Variants in ITPR3 observed in about 807,000 individuals in gnomAD.
The protein encoded by ITPR3 is inositol 1,4,5-trisphosphate-gated calcium channel ITPR3.
ITPR3 carries 173 observed loss-of-function variants against 293.2 expected under a neutral mutation model. The ratio of observed to expected loss-of-function variants is 0.59; its 90% confidence interval spans 0.52 to 0.67. The LOEUF is 0.67. Among genes scored for constraint, ITPR3 ranks in the 30% least tolerant of loss-of-function variants. ITPR3 has a pLI of 0.00. For missense variants in ITPR3, 2,796 were observed against 3,592.1 expected, an observed-to-expected ratio of 0.78 and a Z score of 5.66; for synonymous variants, 1,295 against 1,444.4, an observed-to-expected ratio of 0.90 and a Z score of 2.35.
intron 2 of ITPR3, among the ~76,000 whole-genome samples, chr6:33,650,930 C>G (rs1025846030): frequency 6.6e-6 from 1 of 151,962 alleles, no homozygotes; most frequent in African/African-American, 2.4e-5. Context: ...GTGTCTGGTT[C>G]CCAAGGATCC....
chr6:33,659,362 T>C, intron 6 of ITPR3, 104 bp from the exon 7 acceptor site: 1 of 1,092,470 alleles, frequency 9.2e-7, no homozygotes. Flanking sequence ...CACCCTGTCC[T>C]TGTGCTGTAA....
intron 21 of ITPR3, among the ~76,000 whole-genome samples, chr6:33,671,767 A>G (rs1159804598): frequency 6.6e-6 from 1 of 152,042 alleles, no homozygotes; most frequent in Admixed American, 6.5e-5. Context: ...AGCTGCTCTC[A>G]TGGTTTCCTA....
Position 33,684,893 on chromosome 6 carries a change from A to G in ITPR3, c.5257A>G (p.Ser1753Gly). Residue 1753 changes from serine to glycine, a missense_variant, in exon 39 of 58, where the codon AGC becomes GGC. Ser to Gly is a moderately conservative substitution (Grantham distance 56). Transcript: ENST00000605930. The surrounding 1 kb of genome is among the most constrained non-coding windows in gnomAD (Gnocchi z 4.2). ...CAAGAACGAGAAGATCTTCCAGGAG[A>G]GCATCGGCCTGGCCATCCACCTGCT... Reference protein sequence around the residue: ...STKNEKIFQESIGLAIHLLDG... With the variant: ...STKNEKIFQEGIGLAIHLLDG... The G allele has an allele frequency of 1.9e-6, 3 of 1,613,916 alleles. No individual in the cohort carries two copies. Among genetic ancestry groups the G allele is most frequent in the Non-Finnish European group, 1.7e-6 (2 of 1,179,902 alleles).
At chr6:33,650,382 T>C (rs754887644) in intron 2 of ITPR3, among the ~76,000 whole-genome samples, 7 of 152,330 alleles carry the variant, frequency 4.6e-5, no homozygotes, top group Middle Eastern at 3.4e-3. Flanking sequence ...GAGAAAAAGT[T>C]GAATCTTACA....
chr6:33,646,011 T>G (rs1764056918), intron 2 of ITPR3, among the ~76,000 whole-genome samples: 2 of 152,042 alleles, frequency 1.3e-5, no homozygotes, highest in African/African-American at 4.8e-5. Context: ...CTAATTTTTG[T>G]ATTTTTAGTA....
chr6:33,654,089 G>A lies in ITPR3; in HGVS notation c.161-1677G>A, dbSNP rs1306384634. On this transcript the variant is annotated intron_variant, in intron 2 of 57. Coordinates refer to ENST00000605930, the MANE Select transcript of ITPR3 (RefSeq NM_002224.4). The surrounding 1 kb of genome is among the most constrained non-coding windows in gnomAD (Gnocchi z 4.1). ...TTGAGACCAGCTTGGGCAATATGGCGAAACCCCGTCTCTACTAAAAATACA... is the reference window on the plus strand; with the variant it reads ...TTGAGACCAGCTTGGGCAATATGGCAAAACCCCGTCTCTACTAAAAATACA... Among the ~76,000 whole-genome samples, 1 of 152,108 alleles carries A rather than the reference G, an allele frequency of 6.6e-6. No individual in the cohort carries two copies. The highest frequency in any genetic ancestry group is 1.5e-5 in the Non-Finnish European group (1 of 68,022).
Position 33,692,339 on chromosome 6 carries a change from G to A in ITPR3, c.7459-389G>A, listed in dbSNP as rs1765418275. Among the ~76,000 whole-genome samples the A allele has an allele frequency of 6.6e-6, 1 of 152,176 alleles. No individual in the cohort carries two copies. The highest frequency in any genetic ancestry group is 2.4e-5 in the African/African-American group (1 of 41,440). ...GAGGCCGCCTCCCTGGCCAGACAGAGGGTTTCTGGAATGTGTGAGGCCAGG... is the reference window on the plus strand; with the variant it reads ...GAGGCCGCCTCCCTGGCCAGACAGAAGGTTTCTGGAATGTGTGAGGCCAGG... On this transcript the variant is annotated intron_variant, in intron 54 of 57. Transcript: ENST00000605930. This position sits in a 1 kb window ranked among gnomAD's most constrained non-coding sequence, Gnocchi z 4.2.
intron 28 of ITPR3, 51 bp from the exon 29 acceptor site, chr6:33,678,370 C>T (rs375849381): frequency 2.3e-5 from 36 of 1,599,220 alleles, no homozygotes; most frequent in Admixed American, 1.3e-4. Context: ...GCCAGGGCCT[C>T]GCCTCCCTCC....
At chr6:33,643,824 C>T (rs888843172) in intron 2 of ITPR3, among the ~76,000 whole-genome samples, 5 of 152,196 alleles carry the variant, frequency 3.3e-5, no homozygotes, top group African/African-American at 1.2e-4. Context: ...CCTACGCCTC[C>T]TCTACCTGTC....
chr6:33,681,003 T>C (rs906684045), intron 33 of ITPR3, among the ~76,000 whole-genome samples: 2 of 152,046 alleles, frequency 1.3e-5, no homozygotes, highest in Admixed American at 6.6e-5. Context: ...GCATTTTTAG[T>C]AGAGACAGGG....
intron 2 of ITPR3, among the ~76,000 whole-genome samples, chr6:33,652,140 GC>G (rs568230505): frequency 6.3e-4 from 96 of 152,218 alleles, no homozygotes; most frequent in African/African-American, 2.0e-3. Context: ...TGAGCTCCCT[GC>G]CCCTGCCAGG....
chr6:33,659,533 AG>A lies in ITPR3; in HGVS notation c.697del (p.Glu233ArgfsTer3). On this transcript the variant is annotated frameshift_variant, in exon 7 of 58. Transcript: ENST00000605930. LOFTEE classifies it high-confidence loss of function. ...TTTATGCAGTTTCGGGACCACCTGG[AG>A]GAGGTGTTGAAAGGGGTAAGGACTG... ...NLFMQFRDHLEEVLKGGDVVR... is the reference protein window; with the variant it reads ...NLFMQFRDHLXEVLKGGDVVR... 1 of 1,613,942 alleles carries A rather than the reference AG, an allele frequency of 6.2e-7. No individual in the cohort carries two copies. Among genetic ancestry groups the A allele is most frequent in the South Asian group, 1.1e-5 (1 of 91,056 alleles).
chr6:33,694,704 T>TG, intron 56 of ITPR3: 4 of 547,870 alleles, frequency 7.3e-6, no homozygotes, highest in African/African-American at 1.9e-5. Context: ...CTAACGGAAG[T>TG]CAGCCTGTCT....
rs1763742673 is a variant in ITPR3, at chr6:33,633,767, G to A, written c.90-6717G>A. The stretch of plus-strand genomic sequence containing the variant: ...CGCCGCGGGGGCGGGGGCGGGGCCG[G>A]GGCCGGGGCCGGACGCCCGGAGCTC... On this transcript the variant is annotated intron_variant, in intron 1 of 57. Transcript: ENST00000605930. The surrounding 1 kb of genome is among the most constrained non-coding windows in gnomAD (Gnocchi z 5.2). 6.9e-6 allele frequency among the ~76,000 whole-genome samples: 1 copy of A among 145,896 alleles called. No homozygotes were observed. The highest frequency in any genetic ancestry group is 6.8e-5 in the Admixed American group (1 of 14,722).
Position 33,679,309 on chromosome 6 carries a change from G to A in ITPR3, c.3972+470G>A, listed in dbSNP as rs1032419041. Among the ~76,000 whole-genome samples the A allele has an allele frequency of 6.6e-6, 1 of 152,082 alleles. No homozygotes were observed. The highest frequency in any genetic ancestry group is 2.4e-5 in the African/African-American group (1 of 41,386). On this transcript the variant is annotated intron_variant, in intron 30 of 57. Coordinates refer to ENST00000605930, the MANE Select transcript of ITPR3 (RefSeq NM_002224.4). This position sits in a 1 kb window ranked among gnomAD's most constrained non-coding sequence, Gnocchi z 4.2. ...ACAGACACCTGTTGAGTGAAGGCAC[G>A]AAGGATACAGGGCTGAGTCTAAATC...
intron 24 of ITPR3, among the ~76,000 whole-genome samples, chr6:33,674,671 C>T (rs1764859836): frequency 6.6e-6 from 1 of 152,210 alleles, no homozygotes. Flanking sequence ...CAGGCTTGTG[C>T]CTGGGTCTAG....
At chr6:33,657,893 T>G (rs1764351868) in intron 3 of ITPR3, 39 bp from the exon 4 acceptor site, 2 of 1,593,102 alleles carry the variant, frequency 1.3e-6, no homozygotes, top group Non-Finnish European at 1.7e-6. Context: ...TAGGAGCAGC[T>G]TCTGAGCCCA....
intron 3 of ITPR3, among the ~76,000 whole-genome samples, chr6:33,657,192 C>A (rs1278750703): frequency 6.6e-6 from 1 of 152,248 alleles, no homozygotes; most frequent in Admixed American, 6.5e-5. Flanking sequence ...ACAGAGACCA[C>A]TGCTCTCAGA....
chr6:33,672,191 T>G lies in ITPR3; in HGVS notation c.2891T>G (p.Val964Gly). Residue 964 changes from valine (V) to glycine (G), a missense_variant, in exon 22 of 58, where the codon GTG becomes GGG. By Grantham distance (109) the Val-to-Gly change is moderately radical. This residue lies in a region of ITPR3 where 955 missense variants were observed against 1,180.8 expected (regional missense o/e 0.81). Coordinates refer to ENST00000605930, the MANE Select transcript of ITPR3 (RefSeq NM_002224.4). This position sits in a 1 kb window ranked among gnomAD's most constrained non-coding sequence, Gnocchi z 5.0. ...SKFEENEDIV[V>G]METKLKILEI... ...TTTGAGGAGAATGAGGACATTGTGGTGATGGAGACCAAGCTGAAGATCCTG... is the reference window on the plus strand; with the variant it reads ...TTTGAGGAGAATGAGGACATTGTGGGGATGGAGACCAAGCTGAAGATCCTG... 1 of 1,612,914 alleles carries G rather than the reference T, an allele frequency of 6.2e-7. No homozygotes were observed.
Sources: allele counts gnomAD v4.1 joint callset (sites outside exome capture counted in the v4.1 genomes callset), GRCh38; gene constraint gnomAD v4.1.1; regional missense constraint gnomAD v4.1.1; non-coding constraint Gnocchi (gnomAD v3.1); transcripts MANE v1.5; gene names NCBI Gene and HGNC (gene_info 2026-07-23, HGNC 2026-07-21).